MYO10: variants seen among roughly 807,000 people sequenced by gnomAD.
MYO10 encodes myosin X, also known as unconventional myosin-X.
A neutral mutation model predicts 257.3 loss-of-function variants in MYO10; 133 were observed. That is an observed-to-expected ratio of 0.52 (90% CI 0.45 to 0.60). The LOEUF is 0.60. Among genes scored for constraint, MYO10 ranks in the 20% least tolerant of loss-of-function variants. The pLI is 0.00. For missense variants in MYO10, 2,399 were observed against 2,635.7 expected (o/e 0.91, Z 1.97); for synonymous variants, 1,104 against 1,028.6 (o/e 1.07, Z -1.40).
chr5:16,833,541 T>C (rs1292722697), intron 2 of MYO10, among the ~76,000 whole-genome samples: 2 of 152,158 alleles, frequency 1.3e-5, no homozygotes, highest in Non-Finnish European at 1.5e-5. Context: ...CAATTTTTCT[T>C]GGCCTTGATA....
chr5:16,919,590 C>A (rs1209159031), intron 1 of MYO10, among the ~76,000 whole-genome samples: 1 of 152,124 alleles, frequency 6.6e-6, no homozygotes, highest in African/African-American at 2.4e-5. Flanking sequence ...GACTACCAAG[C>A]AGATTAAATG....
At chr5:16,725,608 AATATTTCCACAACACT>A (rs1354679332) in intron 19 of MYO10, among the ~76,000 whole-genome samples, 1 of 152,168 alleles carries the variant, frequency 6.6e-6, no homozygotes, top group East Asian at 1.9e-4. Flanking sequence ...GCTCTCAGCT[AATATTTCCACAACACT>A]CTACAATTTC....
intron 19 of MYO10, among the ~76,000 whole-genome samples, chr5:16,737,941 G>A (rs1036226644): frequency 5.3e-5 from 8 of 152,140 alleles, no homozygotes; most frequent in East Asian, 1.9e-4. Flanking sequence ...TAGCTGACGC[G>A]GAAGGAAAAG....
At chr5:16,814,111 T>C (rs1343496641) in intron 3 of MYO10, among the ~76,000 whole-genome samples, 2 of 152,176 alleles carry the variant, frequency 1.3e-5, no homozygotes, top group Non-Finnish European at 1.5e-5. Flanking sequence ...GTGAGACTTA[T>C]GGGACTTTCA....
rs754514094 is a variant in MYO10, at chr5:16,675,016, G to A, written c.4801C>T (p.Pro1601Ser). The change falls in exon 35 of 41, where the codon CCT becomes TCT. Residue 1601 changes from proline to serine, a missense_variant. Physicochemically the swap from Pro to Ser is moderately conservative, Grantham distance 74. Transcript: ENST00000513610. The stretch of plus-strand genomic sequence containing the variant: ...TGGCAGTACAGCTCGTCCCGCAGAG[G>A]TCGCAGGTCATGCCCTGTCTGTAGG... ...GILQTGHDLR[P>S]LRDELYCQLI... The A allele has an allele frequency of 3.7e-6, 6 of 1,614,012 alleles. No individual in the cohort carries two copies. In the South Asian group the frequency reaches 4.4e-5, roughly 12 times the overall value.
chr5:16,803,675 T>C (rs1742187700), intron 3 of MYO10, among the ~76,000 whole-genome samples: 1 of 152,108 alleles, frequency 6.6e-6, no homozygotes, highest in African/African-American at 2.4e-5. Flanking sequence ...GAACCAAAAC[T>C]CAATAATCTG....
Position 16,701,163 on chromosome 5 carries a change from T to C in MYO10, c.3232A>G (p.Asn1078Asp), listed in dbSNP as rs1341998996. 6.2e-7 allele frequency: 1 copy of C among 1,605,786 alleles called. No homozygotes were observed. Among genetic ancestry groups the C allele is most frequent in the East Asian group, 2.2e-5 (1 of 44,608 alleles). Reference sequence around the variant, plus strand: ...TCTGGGGAGGGCAAGTCCCCAGCGTTCTGGGGCATGCAGTAGGTGGACTCG... The same window carrying C: ...TCTGGGGAGGGCAAGTCCCCAGCGTCCTGGGGCATGCAGTAGGTGGACTCG... Reference protein sequence around the residue: ...SGESTYCMPQNAGDLPSPDGD... With the variant: ...SGESTYCMPQDAGDLPSPDGD... Residue 1078 changes from asparagine (N) to aspartate (D), a missense_variant, in exon 25 of 41, where the codon AAC (asparagine) becomes GAC (aspartate). Coordinates refer to ENST00000513610, the MANE Select transcript of MYO10 (RefSeq NM_012334.3). The surrounding 1 kb of genome is among the most constrained non-coding windows in gnomAD (Gnocchi z 8.1).
chr5:16,845,565 T>C (rs937913828), intron 2 of MYO10, among the ~76,000 whole-genome samples: 1 of 151,854 alleles, frequency 6.6e-6, no homozygotes, highest in African/African-American at 2.4e-5. Context: ...TACTCCAGAG[T>C]TGAGGCAGGA....
chr5:16,885,132 G>A (rs976933539), intron 1 of MYO10, among the ~76,000 whole-genome samples: 2 of 151,584 alleles, frequency 1.3e-5, no homozygotes, highest in African/African-American at 4.8e-5. Flanking sequence ...AAGAGGAGCA[G>A]AGGCCGACAG....
rs762513115 is a variant in MYO10 at position 16,673,778 on chromosome 5, T to C, written c.5076A>G (p.Glu1692=). 6.2e-7 allele frequency: 1 copy of C among 1,614,002 alleles called. No homozygotes were observed. Among genetic ancestry groups the C allele is most frequent in the South Asian group, 1.1e-5 (1 of 91,084 alleles). The change falls in exon 36 of 41, where the codon GAA becomes GAG. Residue 1692 remains glutamate, a synonymous_variant. Transcript: ENST00000513610. Reference sequence around the variant, plus strand: ...TCATTTCCTGCCTGTGGATCAGAGCTTCTATTTCATCTCGGGAAGGCACAA... The same window carrying C: ...TCATTTCCTGCCTGTGGATCAGAGCCTCTATTTCATCTCGGGAAGGCACAA... ...REFVPSRDEI[E]ALIHRQEMTS...
intron 2 of MYO10, among the ~76,000 whole-genome samples, chr5:16,847,313 A>G (rs1425334167): frequency 6.6e-6 from 1 of 151,100 alleles, no homozygotes; most frequent in African/African-American, 2.4e-5. Flanking sequence ...AGTTCCAGCT[A>G]CTCAGGAGGC....
intron 2 of MYO10, among the ~76,000 whole-genome samples, chr5:16,826,624 A>G (rs939187117): frequency 2.6e-5 from 4 of 152,216 alleles, no homozygotes; most frequent in African/African-American, 9.6e-5. Flanking sequence ...TGCGTTCTCC[A>G]TGTTTTATGA....
chr5:16,878,460 G>T (rs937126839), intron 1 of MYO10, among the ~76,000 whole-genome samples: 1 of 152,066 alleles, frequency 6.6e-6, no homozygotes, highest in African/African-American at 2.4e-5. Context: ...ACATTTTTTG[G>T]CATTGATCTC....
Position 16,710,938 on chromosome 5 carries a change from G to A in MYO10, c.2139C>T (p.Ser713=), listed in dbSNP as rs1042191536. The A allele has an allele frequency of 6.2e-7, 1 of 1,613,674 alleles. No individual in the cohort carries two copies. Among genetic ancestry groups the A allele is most frequent in the Non-Finnish European group, 8.5e-7 (1 of 1,179,862 alleles). The change falls in exon 21 of 41, where the codon TCC becomes TCT. Residue 713 remains serine, a synonymous_variant. Coordinates refer to ENST00000513610, the MANE Select transcript of MYO10 (RefSeq NM_012334.3). The stretch of plus-strand genomic sequence containing the variant: ...TCTTCCCCAGCTGCCACTCGCTGTT[G>A]GAGGCATCATAGAGCTGCAGCAGGC... The part of the protein sequence containing the change: ...CTSLLQLYDA[S]NSEWQLGKTK...
rs534696184 is a variant in MYO10 at position 16,690,292 on chromosome 5, G to A, written c.3801-373C>T. ...CAATGACTACATCCTTTTATAGCAG[G>A]AACTCGAGCATCTGGGGATTTTGAT... is the stretch of plus-strand genomic sequence containing the variant. On this transcript the variant is annotated intron_variant, in intron 27 of 40. Coordinates refer to ENST00000513610, the MANE Select transcript of MYO10 (RefSeq NM_012334.3). Among the ~76,000 whole-genome samples the A allele has an allele frequency of 7.9e-5, 12 of 152,318 alleles. No homozygotes were observed. The South Asian group carries it at 2.3e-3, about 29-fold the overall frequency.
At chr5:16,874,353 G>GA (rs1744536596) in intron 2 of MYO10, among the ~76,000 whole-genome samples, 1 of 109,352 alleles carries the variant, frequency 9.1e-6, no homozygotes, top group Non-Finnish European at 1.9e-5. Context: ...GCGGGGGGGG[G>GA]GGGGGGTTTC....
intron 30 of MYO10, 37 bp downstream of exon 30, chr5:16,683,843 A>T (rs374847557): frequency 6.2e-7 from 1 of 1,605,384 alleles, no homozygotes. Flanking sequence ...CACACAGGTG[A>T]TGAGCTGTTT....
At position 16,675,004 on chromosome 5, in the gene MYO10, C is replaced by T; in HGVS notation, c.4813G>A (p.Glu1605Lys). ...TGHDLRPLRD[E>K]LYCQLIKQTN... ...TGTTTGATAAGCTGGCAGTACAGCT[C>T]GTCCCGCAGAGGTCGCAGGTCATGC... Residue 1605 changes from glutamate to lysine, a missense_variant, in exon 35 of 41, where the codon GAG becomes AAG. Transcript: ENST00000513610. 1.9e-6 allele frequency: 3 copies of T among 1,613,972 alleles called. No homozygotes were observed. The highest frequency in any genetic ancestry group is 1.3e-5 in the African/African-American group (1 of 75,030).
At chr5:16,853,095 G>T (rs561104219) in intron 2 of MYO10, among the ~76,000 whole-genome samples, 3 of 152,308 alleles carry the variant, frequency 2.0e-5, no homozygotes, top group Admixed American at 2.0e-4. Flanking sequence ...TGTTGGCCGG[G>T]CGCGGCGGCT....
Sources: gnomAD v4.1 joint callset for allele counts (sites outside exome capture counted in the v4.1 genomes callset) on GRCh38, gnomAD v4.1.1 for gene constraint, Gnocchi (gnomAD v3.1) non-coding constraint, MANE v1.5 for transcripts, NCBI Gene and HGNC (gene_info 2026-07-23, HGNC 2026-07-21) for gene names.